MRPL48: variants seen among roughly 807,000 people sequenced by gnomAD.
MRPL48 encodes the protein mitochondrial ribosomal protein L48, also known as large ribosomal subunit protein mL48.
In MRPL48, 16 loss-of-function variants were observed where a neutral mutation model predicts 32.9. The ratio of observed to expected loss-of-function variants is 0.49; its 90% CI spans 0.33 to 0.74. The LOEUF is 0.74. Among genes scored for constraint, MRPL48 ranks in the 30% least tolerant of loss-of-function variants. The pLI is 0.02. For synonymous variants in MRPL48, 94 were observed against 89.2 expected (o/e 1.05, Z -0.31); for missense variants, 206 against 245.3 (o/e 0.84, Z 1.07).
intron 5 of MRPL48, among the ~76,000 whole-genome samples, chr11:73,859,663 A>AT (rs150663562): frequency 0.019 from 2,894 of 149,928 alleles, 66 homozygotes; most frequent in African/African-American, 0.06. Context: ...GGAGTATTGT[A>AT]TTTTTTTTTT....
At chr11:73,790,931 G>A (rs1236002690) in intron 1 of MRPL48, among the ~76,000 whole-genome samples, 1 of 146,504 alleles carries the variant, frequency 6.8e-6, no homozygotes, top group Non-Finnish European at 1.5e-5. Context: ...TGTTGCCCAG[G>A]CTGTAGTGCA....
intron 5 of MRPL48, among the ~76,000 whole-genome samples, chr11:73,857,574 C>G (rs1948505630): frequency 6.7e-6 from 1 of 149,482 alleles, no homozygotes; most frequent in Non-Finnish European, 1.5e-5. Context: ...GCCACCACGC[C>G]TGGCCGCATA....
chr11:73,853,831 C>T (rs2135075078), intron 5 of MRPL48, among the ~76,000 whole-genome samples: 1 of 151,848 alleles, frequency 6.6e-6, no homozygotes, highest in East Asian at 1.9e-4. Context: ...GCTGGGACTA[C>T]AGGTCCCTGC....
At chr11:73,816,902 C>T (rs760189850) in intron 3 of MRPL48, among the ~76,000 whole-genome samples, 47 of 151,732 alleles carry the variant, frequency 3.1e-4, no homozygotes, top group Non-Finnish European at 6.0e-4. Context: ...CTCAGCTCAC[C>T]GCAACCTCTG....
intron 1 of MRPL48, among the ~76,000 whole-genome samples, chr11:73,794,808 GAT>G (rs1947223071): frequency 6.8e-6 from 1 of 146,314 alleles, no homozygotes; most frequent in Non-Finnish European, 1.5e-5. Flanking sequence ...GCAGTGGCAT[GAT>G]CTCGGCTCAC....
intron 3 of MRPL48, among the ~76,000 whole-genome samples, chr11:73,816,007 T>C (rs1590954091): frequency 6.6e-6 from 1 of 151,970 alleles, no homozygotes; most frequent in East Asian, 1.9e-4. Context: ...TTCACAGGCA[T>C]GAGCCACTGG....
intron 1 of MRPL48, among the ~76,000 whole-genome samples, chr11:73,800,919 C>G (rs1947351810): frequency 6.7e-6 from 1 of 150,256 alleles, no homozygotes; most frequent in Non-Finnish European, 1.5e-5. Context: ...TCAAGCCATT[C>G]TCCTGCCTCA....
Position 73,805,176 on chromosome 11 carries a change from A to G in MRPL48, c.74+97A>G, listed in dbSNP as rs981433296. The G allele has an allele frequency of 3.9e-6, 4 of 1,024,776 alleles. No individual in the cohort carries two copies. In the African/African-American group the frequency reaches 4.8e-5, roughly 12 times the overall value. The allele number at this position is 1,024,776 out of a possible 1,614,324, so 63.5% of individuals were successfully genotyped here. A position where few individuals can be genotyped will look rare whatever the true frequency, so the allele number is the denominator to read the frequency against. On this transcript the variant is annotated intron_variant, in intron 2 of 7. Coordinates refer to ENST00000310614, the MANE Select transcript of MRPL48 (RefSeq NM_016055.6). Reference sequence around the variant, plus strand: ...TTTCATCATATTTACTTGCATGTCTATAAGCACATCATGCATCTCCCCTGC... The same window carrying G: ...TTTCATCATATTTACTTGCATGTCTGTAAGCACATCATGCATCTCCCCTGC...
chr11:73,842,662 G>C (rs60280069), intron 4 of MRPL48: 1 of 151,862 alleles, frequency 6.6e-6, no homozygotes, highest in Non-Finnish European at 1.5e-5. Flanking sequence ...TAGTAGAGAC[G>C]GGGTTTCACC....
At chr11:73,806,751 C>A (rs151267955) in intron 2 of MRPL48, among the ~76,000 whole-genome samples, 1,571 of 151,746 alleles carry the variant, frequency 0.01, 27 homozygotes, top group African/African-American at 0.036. Flanking sequence ...AACTGGGGTC[C>A]AGAGAGTTTA....
In MRPL48 at chr11:73,825,781, A is replaced by G; in HGVS notation, c.186A>G (p.Leu62=). ...PTHGIGKYKH[L]IKAEEPKKKK... The stretch of plus-strand genomic sequence containing the variant: ...ACGGCATTGGAAAGTACAAGCACTT[A>G]ATTAAAGCAGAAGAGGTAACGGGCA... Residue 62 remains leucine, a synonymous_variant, in exon 4 of 8, where the codon TTA becomes TTG. Transcript: ENST00000310614. The G allele has an allele frequency of 6.4e-7, 1 of 1,564,940 alleles. No homozygotes were observed. The highest frequency in any genetic ancestry group is 8.7e-7 in the Non-Finnish European group (1 of 1,154,698).
At chr11:73,800,811 T>C (rs937616610) in intron 1 of MRPL48, among the ~76,000 whole-genome samples, 2 of 109,808 alleles carry the variant, frequency 1.8e-5, no homozygotes, top group Non-Finnish European at 4.3e-5. Context: ...TTTCTTTTTC[T>C]TTTTTTTTTT....
chr11:73,838,633 G>A (rs1357602696), intron 4 of MRPL48, among the ~76,000 whole-genome samples: 1 of 152,176 alleles, frequency 6.6e-6, no homozygotes, highest in Admixed American at 6.5e-5. Flanking sequence ...ACGATGAGAA[G>A]TCCTGATTGC....
chr11:73,829,564 C>G (rs1670536), intron 4 of MRPL48, among the ~76,000 whole-genome samples: 33,891 of 151,892 alleles, frequency 0.22, 4,186 homozygotes, highest in African/African-American at 0.33. Context: ...GAGATGGGGT[C>G]TCACTATAGT....
intron 5 of MRPL48, 112 bp downstream of exon 5, chr11:73,845,088 T>C: frequency 1.8e-6 from 2 of 1,095,390 alleles, no homozygotes; most frequent in Non-Finnish European, 2.6e-6. Flanking sequence ...TAACTCTTTT[T>C]AGTTATATAA....
rs532023759 is a variant in MRPL48 at position 73,825,593 on chromosome 11, G to A, written c.113-115G>A. On this transcript the variant is annotated intron_variant, in intron 3 of 7. Transcript: ENST00000310614. ...TACCAGAAGTTCGAGGCTTCAATGA[G>A]CTATGAGATGGCATTACATCCCAGC... The A allele has an allele frequency of 4.6e-6, 4 of 878,286 alleles. No homozygotes were observed. The African/African-American group carries it at 5.1e-5, about 11-fold the overall frequency. 54.4% of individuals were successfully genotyped at this position (878,286 alleles called of 1,614,324 possible).
chr11:73,836,541 A>G (rs921224420), intron 4 of MRPL48, among the ~76,000 whole-genome samples: 1 of 152,090 alleles, frequency 6.6e-6, no homozygotes, highest in Non-Finnish European at 1.5e-5. Flanking sequence ...TGTAAGTACT[A>G]TGTGCCAGGC....
intron 5 of MRPL48, among the ~76,000 whole-genome samples, chr11:73,846,766 G>A (rs1022911984): frequency 6.6e-6 from 1 of 150,998 alleles, no homozygotes; most frequent in South Asian, 2.1e-4. Flanking sequence ...GCAGTGGTGC[G>A]ATCATTGCTT....
chr11:73,793,185 C>A (rs1361742967), intron 1 of MRPL48, among the ~76,000 whole-genome samples: 2 of 152,176 alleles, frequency 1.3e-5, no homozygotes, highest in Non-Finnish European at 2.9e-5. Flanking sequence ...CCTGCCTCAG[C>A]CTTCTAAGTA....
Sources: gnomAD v4.1 joint callset for allele counts (sites outside exome capture counted in the v4.1 genomes callset) on GRCh38, gnomAD v4.1.1 for gene constraint, MANE v1.5 for transcripts, NCBI Gene and HGNC (gene_info 2026-07-23, HGNC 2026-07-21) for gene names.